Variants in XXYLT1 observed in about 807,000 individuals in gnomAD.
XXYLT1 encodes xyloside xylosyltransferase 1.
XXYLT1 carries 20 observed loss-of-function variants against 28.9 expected under a neutral mutation model. The observed-to-expected ratio is 0.69, with a 90% CI of 0.49 to 1.00. The LOEUF (loss-of-function observed/expected upper bound fraction) is 1.00. Ranked by LOEUF, XXYLT1 falls within the 50% of genes least tolerant of loss-of-function variation. The probability of loss-of-function intolerance (pLI) is 0.00; values close to 1 mark genes in which losing one functional copy is unlikely to be tolerated. For missense variants in XXYLT1, 542 were observed against 560.1 expected (o/e 0.97, Z 0.33); for synonymous variants, 257 against 253.8 (o/e 1.01, Z -0.12).
intron 3 of XXYLT1, among the ~76,000 whole-genome samples, chr3:195,083,680 C>T (rs1333336322): frequency 6.6e-6 from 1 of 152,228 alleles, no homozygotes; most frequent in Non-Finnish European, 1.5e-5. Flanking sequence ...TCACAACTAC[C>T]TACGGTCAGT....
chr3:195,207,375 G>A (rs1723118266), intron 2 of XXYLT1: 1 of 433,664 alleles, frequency 2.3e-6, no homozygotes, highest in African/African-American at 2.0e-5. Context: ...TTCAACAGAG[G>A]GTTTGGAGGT....
chr3:195,155,322 G>A (rs1195258872), intron 3 of XXYLT1, among the ~76,000 whole-genome samples: 2 of 152,170 alleles, frequency 1.3e-5, no homozygotes, highest in Non-Finnish European at 2.9e-5. Context: ...GGTCGGCAGG[G>A]AGCCAGCATC....
At chr3:195,130,404 G>A (rs1718845049) in intron 3 of XXYLT1, among the ~76,000 whole-genome samples, 1 of 152,234 alleles carries the variant, frequency 6.6e-6, no homozygotes, top group Non-Finnish European at 1.5e-5. Context: ...GAGTGAAGAT[G>A]GGGTGGACCC....
chr3:195,152,717 T>C (rs1720344716), intron 3 of XXYLT1: 1 of 152,300 alleles, frequency 6.6e-6, no homozygotes, highest in South Asian at 2.1e-4. Flanking sequence ...GAGACTGCCA[T>C]AAAAATGACT....
rs1019465685 is a variant in XXYLT1 at position 195,150,314 on chromosome 3, G to T, written c.785+6135C>A. ...TTGCCCAAGGTCACACAGCAACTGA[G>T]TGGTAGAGGTAGTCAGTCCACACCC... On this transcript the variant is annotated intron_variant, in intron 3 of 3. Transcript: ENST00000310380. The surrounding 1 kb of genome is among the most constrained non-coding windows in gnomAD (Gnocchi z 4.7). 2.0e-5 allele frequency among the ~76,000 whole-genome samples: 3 copies of T among 152,212 alleles called. No homozygotes were observed. Among genetic ancestry groups the T allele is most frequent in the Non-Finnish European group, 4.4e-5 (3 of 68,030 alleles).
At chr3:195,235,022 G>C (rs924105927) in intron 1 of XXYLT1, among the ~76,000 whole-genome samples, 1 of 151,708 alleles carries the variant, frequency 6.6e-6, no homozygotes, top group Admixed American at 6.6e-5. Flanking sequence ...CAATTTTCCA[G>C]ATCTCGTAGG....
chr3:195,110,317 G>GTGTGGTGGATGTGT (rs748914872), intron 3 of XXYLT1, among the ~76,000 whole-genome samples: 2 of 6,626 alleles, frequency 3.0e-4, no homozygotes, highest in Non-Finnish European at 5.3e-4. Context: ...TGTGTGTGTG[G>GTGTGGTGGATGTGT]GTGAGGGTGA....
chr3:195,088,059 C>T (rs530558644), intron 3 of XXYLT1, among the ~76,000 whole-genome samples: 1,656 of 151,412 alleles, frequency 0.011, 17 homozygotes, highest in Admixed American at 0.018. Flanking sequence ...CGCTGATTGC[C>T]AGCACAGCGG....
Position 195,257,941 on chromosome 3 carries a change from C to A in XXYLT1, c.504+12614G>T, listed in dbSNP as rs1725540567. Among the ~76,000 whole-genome samples, 2 of 152,174 alleles carry A rather than the reference C, an allele frequency of 1.3e-5. No homozygotes were observed. Among genetic ancestry groups the A allele is most frequent in the East Asian group, 3.9e-4 (2 of 5,194 alleles). On this transcript the variant is annotated intron_variant, in intron 1 of 3. Transcript: ENST00000310380. The surrounding 1 kb of genome is among the most constrained non-coding windows in gnomAD (Gnocchi z 4.3). ...ATCCTCACAAAGCAGCCCCGGCACA[C>A]CCACAATCCTCGACCCTGTGTCTTC...
intron 1 of XXYLT1, among the ~76,000 whole-genome samples, chr3:195,268,374 TGAGCC>T (rs1242173550): frequency 6.7e-6 from 1 of 148,838 alleles, no homozygotes; most frequent in African/African-American, 2.5e-5. Context: ...GAGGTTGCAG[TGAGCC>T]GAGATCACAC....
In XXYLT1 at chr3:195,231,752, A is replaced by AT. The variant is rs34130895; in HGVS notation, c.505-4897dup. Among the ~76,000 whole-genome samples, 960 of 143,290 alleles carry AT rather than the reference A, an allele frequency of 6.7e-3. 2 individuals are homozygous for AT. The highest frequency in any genetic ancestry group is 9.4e-3 in the African/African-American group (371 of 39,606). 94.0% of individuals were successfully genotyped at this position (143,290 alleles called of 152,430 possible). On this transcript the variant is annotated intron_variant, in intron 1 of 3. Coordinates refer to ENST00000310380, the MANE Select transcript of XXYLT1 (RefSeq NM_152531.5). ...AAATTCCACTTGGTCATGATGAATG[A>AT]TTTTTTTTTTTTTTTAAATGTACTG...
At chr3:195,143,857 TATATATAGATATAGATATATA>T (rs1719671606) in intron 3 of XXYLT1, among the ~76,000 whole-genome samples, 1 of 97,034 alleles carries the variant, frequency 1.0e-5, no homozygotes, top group Admixed American at 1.1e-4. Context: ...TATATATAGA[TATATATAGATATAGATATATA>T]TATATATATA....
intron 2 of XXYLT1, chr3:195,184,758 C>G: frequency 1.0e-6 from 1 of 985,336 alleles, no homozygotes. Flanking sequence ...GGAAAATATT[C>G]CAGGGAACTT....
chr3:195,097,817 AC>A (rs998361712), intron 3 of XXYLT1, among the ~76,000 whole-genome samples: 1 of 146,166 alleles, frequency 6.8e-6, no homozygotes, highest in African/African-American at 2.5e-5. Context: ...AAATGCCCCC[AC>A]CCCCCCACCA....
rs1382222388 is a variant in XXYLT1 at position 195,271,110 on chromosome 3, G to A, written c.-52C>T. The A allele has an allele frequency of 1.6e-6, 2 of 1,284,412 alleles. No homozygotes were observed. Among genetic ancestry groups the A allele is most frequent in the Non-Finnish European group, 2.0e-6 (2 of 1,018,580 alleles). 79.6% of individuals were successfully genotyped at this position (1,284,412 alleles called of 1,614,324 possible). ...TGCCAGCAACGCGGGAGAGCCCTCG[G>A]GTACCCGGACGCCGGCGGCCACTTA... On this transcript the variant is annotated 5_prime_UTR_variant, in exon 1 of 4. Transcript: ENST00000310380.
rs1312840190 is a variant in XXYLT1, at chr3:195,240,839, T to C, written c.505-13983A>G. ...AAACTGGGGGACTGAGGCAGGAGGA[T>C]CGCTTGAACCTGGGAGGCGGAGGTT... On this transcript the variant is annotated intron_variant, in intron 1 of 3. Coordinates refer to ENST00000310380, the MANE Select transcript of XXYLT1 (RefSeq NM_152531.5). The surrounding 1 kb of genome is among the most constrained non-coding windows in gnomAD (Gnocchi z 4.7). Among the ~76,000 whole-genome samples the C allele has an allele frequency of 1.3e-5, 2 of 152,160 alleles. No individual in the cohort carries two copies. The highest frequency in any genetic ancestry group is 4.8e-5 in the African/African-American group (2 of 41,446).
chr3:195,127,896 A>C (rs1252042706), intron 3 of XXYLT1, among the ~76,000 whole-genome samples: 2 of 152,210 alleles, frequency 1.3e-5, no homozygotes, highest in South Asian at 2.1e-4. Flanking sequence ...TGATTATATA[A>C]ATCATTGAAA....
chr3:195,139,606 T>C (rs1719382194), intron 3 of XXYLT1, among the ~76,000 whole-genome samples: 1 of 152,184 alleles, frequency 6.6e-6, no homozygotes, highest in African/African-American at 2.4e-5. Flanking sequence ...GCCTGGCCCT[T>C]AGCAGGTCCT....
chr3:195,150,870 T>TCTCTCCCTCTCC lies in XXYLT1; in HGVS notation c.785+5567_785+5578dup, dbSNP rs149849737. ...CACACACTCTCACACACACACACACTCTCTCCCTCTCCCTCTCCCTCTCTC... is the reference window on the plus strand; with the variant it reads ...CACACACTCTCACACACACACACACTCTCTCCCTCTCCCTCTCCCTCTCCCTCTCCCTCTCTC... On this transcript the variant is annotated intron_variant, in intron 3 of 3. Coordinates refer to ENST00000310380, the MANE Select transcript of XXYLT1 (RefSeq NM_152531.5). This position sits in a 1 kb window ranked among gnomAD's most constrained non-coding sequence, Gnocchi z 4.7. Among the ~76,000 whole-genome samples the TCTCTCCCTCTCC allele has an allele frequency of 1.0e-4, 9 of 86,990 alleles. No individual in the cohort carries two copies. In the South Asian group the frequency reaches 1.8e-3, roughly 17 times the overall value. The allele number at this position is 86,990 out of a possible 152,430, so 57.1% of individuals were successfully genotyped here. A position where few individuals can be genotyped will look rare whatever the true frequency, so the allele number is the denominator to read the frequency against.
Sources: gnomAD v4.1 joint callset for allele counts (sites outside exome capture counted in the v4.1 genomes callset) on GRCh38, gnomAD v4.1.1 for gene constraint, Gnocchi (gnomAD v3.1) non-coding constraint, MANE v1.5 for transcripts, NCBI Gene and HGNC (gene_info 2026-07-23, HGNC 2026-07-21) for gene names.